CAMSAP1: variants seen among roughly 807,000 people sequenced by gnomAD.
CAMSAP1 encodes the protein calmodulin regulated spectrin associated protein 1, also known as calmodulin-regulated spectrin-associated protein 1.
In CAMSAP1, 58 loss-of-function variants were observed where a neutral mutation model predicts 143.5. That is an observed-to-expected ratio of 0.40 (90% CI 0.33 to 0.50). The LOEUF (loss-of-function observed/expected upper bound fraction) is 0.50, where lower values mean the gene tolerates loss of function less well. CAMSAP1 is among the 20% of genes least tolerant of loss of function. The pLI, the probability that CAMSAP1 is intolerant of heterozygous loss-of-function variation, is 0.45. For missense variants in CAMSAP1, 1,969 were observed against 2,115.7 expected (o/e 0.93, Z 1.36); for synonymous variants, 945 against 859.3 (o/e 1.10, Z -1.74).
chr9:135,839,144 CCTAT>C (rs1324995865), intron 7 of CAMSAP1, among the ~76,000 whole-genome samples: 2 of 152,208 alleles, frequency 1.3e-5, no homozygotes, highest in African/African-American at 4.8e-5. Context: ...CCTGTATGAG[CCTAT>C]CTGTCTTTCC....
intron 5 of CAMSAP1, among the ~76,000 whole-genome samples, chr9:135,861,351 T>C (rs950908140): frequency 7.9e-5 from 12 of 151,296 alleles, no homozygotes; most frequent in Non-Finnish European, 2.9e-5. Context: ...CTCGCTCTGT[T>C]GCCCAGGCTG....
chr9:135,836,044 C>G (rs1173514184), intron 7 of CAMSAP1: 1 of 896,156 alleles, frequency 1.1e-6, no homozygotes. Flanking sequence ...ACTCAAAAAA[C>G]AGCTTTTTCA....
At chr9:135,894,472 G>A (rs1199046285) in intron 1 of CAMSAP1, among the ~76,000 whole-genome samples, 1 of 152,196 alleles carries the variant, frequency 6.6e-6, no homozygotes, top group Non-Finnish European at 1.5e-5. Context: ...GGAAGCTCTT[G>A]GTCCTGTGCG....
intron 7 of CAMSAP1, among the ~76,000 whole-genome samples, chr9:135,833,947 C>A (rs184832015): frequency 1.3e-5 from 2 of 152,260 alleles, no homozygotes; most frequent in South Asian, 4.1e-4. Context: ...ACATAAGTAA[C>A]GCAACTCAAT....
intron 4 of CAMSAP1, chr9:135,865,439 C>T: frequency 1.4e-6 from 2 of 1,422,006 alleles, no homozygotes; most frequent in Non-Finnish European, 1.9e-6. Flanking sequence ...CGAGGTAACA[C>T]ACACTTCCCC....
chr9:135,826,277 G>T lies in CAMSAP1; in HGVS notation c.1223+1130C>A, dbSNP rs1177957033. 6.6e-6 allele frequency: 1 copy of T among 152,286 alleles called. No individual in the cohort carries two copies. The highest frequency in any genetic ancestry group is 6.6e-5 in the Admixed American group (1 of 15,264). 9.4% of individuals were successfully genotyped at this position (152,286 alleles called of 1,614,324 possible). ...CGCCAAGTGTCCACGCTGGCCCCAT[G>T]TGAGGGACGGCTCAGCCTCGAGCCA... On this transcript the variant is annotated intron_variant, in intron 8 of 16. Transcript: ENST00000389532. The surrounding 1 kb of genome is among the most constrained non-coding windows in gnomAD (Gnocchi z 4.4).
Position 135,811,200 on chromosome 9 carries a change from C to A in CAMSAP1, c.*109G>T, listed in dbSNP as rs908607401. 1.6e-6 allele frequency: 2 copies of A among 1,289,404 alleles called. No homozygotes were observed. Among genetic ancestry groups the A allele is most frequent in the Non-Finnish European group, 2.1e-6 (2 of 945,284 alleles). 79.9% of individuals were successfully genotyped at this position (1,289,404 alleles called of 1,614,324 possible). ...TCTGTGACTTTGCACACTTCGTACC[C>A]AAATAGATGAAAACAATAAATAAGG... is the stretch of plus-strand genomic sequence containing the variant. On this transcript the variant is annotated 3_prime_UTR_variant, in exon 17 of 17. Coordinates refer to ENST00000389532, the MANE Select transcript of CAMSAP1 (RefSeq NM_015447.4). This position sits in a 1 kb window ranked among gnomAD's most constrained non-coding sequence, Gnocchi z 4.9.
At position 135,827,530 on chromosome 9, in the gene CAMSAP1, G is replaced by A. The variant is rs200539074; in HGVS notation, c.1100C>T (p.Ala367Val). 1.6e-5 allele frequency: 25 copies of A among 1,612,534 alleles called. No homozygotes were observed. In the East Asian group the frequency reaches 1.6e-4, roughly 10 times the overall value. ...SSRPPVPISN[A>V]TKRSFLGSPA... is the part of the protein sequence containing the mutation. ...GCTGCCTAGGAAACTGCGTTTGGTC[G>A]CGTTGGAGATCGGTACAGGAGGCCG... is the stretch of plus-strand genomic sequence containing the variant. The change falls in exon 8 of 17, where the codon GCG (alanine) becomes GTG (valine). Residue 367 changes from alanine (A) to valine (V), a missense_variant. Coordinates refer to ENST00000389532, the MANE Select transcript of CAMSAP1 (RefSeq NM_015447.4).
In CAMSAP1 at chr9:135,822,648, T is replaced by A. The variant is rs762258524; in HGVS notation, c.2013A>T (p.Ser671=). The change falls in exon 11 of 17, where the codon TCA becomes TCT. Residue 671 remains serine, a synonymous_variant. Coordinates refer to ENST00000389532, the MANE Select transcript of CAMSAP1 (RefSeq NM_015447.4). This position sits in a 1 kb window ranked among gnomAD's most constrained non-coding sequence, Gnocchi z 6.1. ...GIDPTETGPL[S]VETAGEVCGG... is the part of the protein sequence containing the mutation. ...CACAGACCTCTCCTGCGGTTTCCAC[T>A]GACAGTGGTCCTGTCTCGGTGGGGT... 4 of 1,609,276 alleles carry A rather than the reference T, an allele frequency of 2.5e-6. No individual in the cohort carries two copies. The highest frequency in any genetic ancestry group is 3.4e-6 in the Non-Finnish European group (4 of 1,177,218).
intron 7 of CAMSAP1, among the ~76,000 whole-genome samples, chr9:135,848,251 C>T (rs1447014646): frequency 2.0e-5 from 3 of 151,806 alleles, no homozygotes. Flanking sequence ...CAAGGTCACC[C>T]GTGAGGAAGC....
intron 5 of CAMSAP1, among the ~76,000 whole-genome samples, chr9:135,861,276 C>T (rs374905592): frequency 7.2e-5 from 11 of 151,978 alleles, no homozygotes; most frequent in African/African-American, 2.2e-4. Flanking sequence ...TGACAGAGAC[C>T]GTCTCCTGGT....
intron 14 of CAMSAP1, 131 bp downstream of exon 14, chr9:135,817,846 T>C: frequency 1.4e-6 from 1 of 738,906 alleles, no homozygotes; most frequent in East Asian, 2.7e-5. Flanking sequence ...ATTGCAACTA[T>C]TCTGTAAATG....
chr9:135,817,542 C>T (rs1835273786), intron 14 of CAMSAP1, among the ~76,000 whole-genome samples: 1 of 151,902 alleles, frequency 6.6e-6, no homozygotes, highest in Non-Finnish European at 1.5e-5. Flanking sequence ...TAGGTGCATG[C>T]CCCCACACCC....
At chr9:135,829,235 C>G (rs1835774078) in intron 7 of CAMSAP1, among the ~76,000 whole-genome samples, 1 of 152,144 alleles carries the variant, frequency 6.6e-6, no homozygotes, top group African/African-American at 2.4e-5. Context: ...GGCACGGTGG[C>G]CCATGCCTGT....
intron 1 of CAMSAP1, among the ~76,000 whole-genome samples, chr9:135,903,866 T>C (rs1838688495): frequency 6.6e-6 from 1 of 152,098 alleles, no homozygotes; most frequent in South Asian, 2.1e-4. Flanking sequence ...GAAGAAGTGT[T>C]GGGGGGACCC....
At position 135,822,779 on chromosome 9, in the gene CAMSAP1, G is replaced by A. The variant is rs777179260; in HGVS notation, c.1882C>T (p.Pro628Ser). ...ACCAAAGGCTGGGGGCCCTCGCTGG[G>A]CCTCCTAGACACGATGCTCCTCGGT... is the stretch of plus-strand genomic sequence containing the variant. ...GRPRSIVSRR[P>S]SEGPQPLVRR... Residue 628 changes from proline (P) to serine (S), a missense_variant, in exon 11 of 17, where the codon CCC (proline) becomes TCC (serine). Coordinates refer to ENST00000389532, the MANE Select transcript of CAMSAP1 (RefSeq NM_015447.4). The surrounding 1 kb of genome is among the most constrained non-coding windows in gnomAD (Gnocchi z 6.1). 20 of 1,613,724 alleles carry A rather than the reference G, an allele frequency of 1.2e-5. No homozygotes were observed. Among genetic ancestry groups the A allele is most frequent in the Admixed American group, 1.0e-4 (6 of 59,998 alleles).
chr9:135,838,394 TACAG>T (rs1836199678), intron 7 of CAMSAP1, among the ~76,000 whole-genome samples: 1 of 147,006 alleles, frequency 6.8e-6, no homozygotes, highest in Non-Finnish European at 1.5e-5. Context: ...CCACCCGTTC[TACAG>T]ACACACATCA....
chr9:135,901,784 G>A (rs1031004431), intron 1 of CAMSAP1, among the ~76,000 whole-genome samples: 5 of 152,168 alleles, frequency 3.3e-5, no homozygotes, highest in East Asian at 1.9e-4. Context: ...CCTCCCAGGC[G>A]AACATCATCA....
rs371305686 is a variant in CAMSAP1 at position 135,843,249 on chromosome 9, C to T, written c.1045+6888G>A. ...GGCTGAGGCAGGAGAATCGCTTGAACCCGGGAGGCAGAGGCTGCAGTGAGC... is the reference window on the plus strand; with the variant it reads ...GGCTGAGGCAGGAGAATCGCTTGAATCCGGGAGGCAGAGGCTGCAGTGAGC... On this transcript the variant is annotated intron_variant, in intron 7 of 16. Coordinates refer to ENST00000389532, the MANE Select transcript of CAMSAP1 (RefSeq NM_015447.4). 3.4e-4 allele frequency among the ~76,000 whole-genome samples: 51 copies of T among 152,238 alleles called. No individual in the cohort carries two copies. The East Asian group carries it at 3.7e-3, about 11-fold the overall frequency.
Sources: allele counts gnomAD v4.1 joint callset (sites outside exome capture counted in the v4.1 genomes callset), GRCh38; gene constraint gnomAD v4.1.1; non-coding constraint Gnocchi (gnomAD v3.1); transcripts MANE v1.5; gene names NCBI Gene and HGNC (gene_info 2026-07-23, HGNC 2026-07-21).